Variants in RANBP3 observed in about 807,000 individuals in gnomAD.
The protein encoded by RANBP3 is ran-binding protein 3.
RANBP3 carries 14 observed loss-of-function variants against 77.3 expected under a neutral mutation model. That is an observed-to-expected ratio of 0.18 (90% confidence interval 0.12 to 0.28). The LOEUF (loss-of-function observed/expected upper bound fraction) is 0.28. Ranked by LOEUF, RANBP3 falls within the 10% of genes least tolerant of loss-of-function variation. The pLI is 1.00. For missense variants in RANBP3, 586 were observed against 752.3 expected, an observed-to-expected ratio of 0.78 and a Z score of 2.59; for synonymous variants, 315 against 312.4, an observed-to-expected ratio of 1.01 and a Z score of -0.09.
intron 5 of RANBP3, among the ~76,000 whole-genome samples, chr19:5,937,140 C>G (rs2058077587): frequency 1.4e-5 from 2 of 147,358 alleles, no homozygotes; most frequent in South Asian, 4.4e-4. Flanking sequence ...AAAGACATCA[C>G]TGGGCGCGAA....
intron 13 of RANBP3, among the ~76,000 whole-genome samples, chr19:5,922,598 CAA>C (rs750378386): frequency 3.3e-5 from 5 of 152,232 alleles, no homozygotes; most frequent in Admixed American, 6.5e-5. Flanking sequence ...CTCTGGGCGA[CAA>C]GAGAATATGT....
chr19:5,957,228 G>A (rs2058345287), intron 2 of RANBP3, among the ~76,000 whole-genome samples: 1 of 152,204 alleles, frequency 6.6e-6, no homozygotes, highest in African/African-American at 2.4e-5. Flanking sequence ...AGGGAGAGAA[G>A]CCGATGGCTT....
chr19:5,928,194 T>C, intron 8 of RANBP3, 107 bp from the exon 9 acceptor site: 1 of 1,305,428 alleles, frequency 7.7e-7, no homozygotes, highest in Non-Finnish European at 1.0e-6. Context: ...ACGTCTCCTC[T>C]GCATGTGCCT....
intron 1 of RANBP3, among the ~76,000 whole-genome samples, chr19:5,973,968 A>G (rs2058558846): frequency 6.6e-6 from 1 of 152,176 alleles, no homozygotes; most frequent in African/African-American, 2.4e-5. Context: ...TGAGGACCAA[A>G]GCCTGTGTCC....
Position 5,958,244 on chromosome 19 carries a change from G to A in RANBP3, c.23-271C>T, listed in dbSNP as rs1017172145. 6.6e-6 allele frequency among the ~76,000 whole-genome samples: 1 copy of A among 152,212 alleles called. No individual in the cohort carries two copies. Among genetic ancestry groups the A allele is most frequent in the Non-Finnish European group, 1.5e-5 (1 of 68,046 alleles). On this transcript the variant is annotated intron_variant, in intron 1 of 16. Transcript: ENST00000340578. This position sits in a 1 kb window ranked among gnomAD's most constrained non-coding sequence, Gnocchi z 4.4. The stretch of plus-strand genomic sequence containing the variant: ...TTTTCAAGACTCACTGAGAGCGGGC[G>A]TGTAAATGGGAGTGGGAGAGCAGCG...
intron 13 of RANBP3, among the ~76,000 whole-genome samples, chr19:5,922,600 A>G (rs1282267537): frequency 6.6e-6 from 1 of 152,242 alleles, no homozygotes; most frequent in East Asian, 1.9e-4. Context: ...CTGGGCGACA[A>G]GAGAATATGT....
In RANBP3 at chr19:5,932,384, C is replaced by G. The variant is rs142181764; in HGVS notation, c.565+68G>C. On this transcript the variant is annotated intron_variant, in intron 7 of 16. Coordinates refer to ENST00000340578, the MANE Select transcript of RANBP3 (RefSeq NM_007322.3). ...TCACCTCTGTCGCAACACTGCTGTC[C>G]CGGGTGCGACTTCGGGAACGCTCTA... is the stretch of plus-strand genomic sequence containing the variant. 3,220 of 1,270,824 alleles carry G rather than the reference C, an allele frequency of 2.5e-3. 10 individuals are homozygous for G. The highest frequency in any genetic ancestry group is 3.0e-3 in the Non-Finnish European group (2,599 of 877,224). The allele number at this position is 1,270,824 out of a possible 1,614,324, so 78.7% of individuals were successfully genotyped here.
At chr19:5,941,317 A>G (rs2058133609) in intron 5 of RANBP3, among the ~76,000 whole-genome samples, 1 of 152,166 alleles carries the variant, frequency 6.6e-6, no homozygotes, top group Non-Finnish European at 1.5e-5. Flanking sequence ...ATTAACAGGC[A>G]GAGGCCCCAA....
chr19:5,933,803 C>G (rs1209518714), intron 5 of RANBP3: 1 of 234,150 alleles, frequency 4.3e-6, no homozygotes, highest in African/African-American at 2.3e-5. Flanking sequence ...GGCCCTGTAC[C>G]TGGCTCTGGA....
intron 1 of RANBP3, among the ~76,000 whole-genome samples, chr19:5,964,802 T>C (rs1187178835): frequency 1.6e-5 from 2 of 123,592 alleles, no homozygotes; most frequent in Non-Finnish European, 3.2e-5. Context: ...GGGGACAGAC[T>C]GGAAAACAGG....
rs1380950866 is a variant in RANBP3 at position 5,928,097 on chromosome 19, A to C, written c.694-10T>G. The C allele has an allele frequency of 6.2e-7, 1 of 1,606,274 alleles. No individual in the cohort carries two copies. The highest frequency in any genetic ancestry group is 8.5e-7 in the Non-Finnish European group (1 of 1,177,680). On this transcript the variant is annotated splice_polypyrimidine_tract_variant and intron_variant, in intron 8 of 16. Transcript: ENST00000340578. ...TCTGGGGCTCTTTCTCCTATCAAAA[A>C]CCAAAACAAAACAGAGTAATCAAAA... is the stretch of plus-strand genomic sequence containing the variant.
At chr19:5,943,766 T>C (rs1233784043) in intron 3 of RANBP3, among the ~76,000 whole-genome samples, 1 of 152,176 alleles carries the variant, frequency 6.6e-6, no homozygotes, top group East Asian at 1.9e-4. Flanking sequence ...CCCCACGAGA[T>C]GACATCATCA....
chr19:5,920,447 G>A (rs1408066161), intron 14 of RANBP3, among the ~76,000 whole-genome samples: 1 of 152,184 alleles, frequency 6.6e-6, no homozygotes, highest in Admixed American at 6.6e-5. Flanking sequence ...ATTTCCTTAA[G>A]TGGGTGTGTG....
Position 5,917,556 on chromosome 19 carries a change from C to A in RANBP3, c.*54G>T. On this transcript the variant is annotated 3_prime_UTR_variant, in exon 17 of 17. Transcript: ENST00000340578. Reference sequence around the variant, plus strand: ...TGCCGGTGGGGTGGGGGCGGGTGGGCGGGTGGATAGACGGACAAAGCAGCA... The same window carrying A: ...TGCCGGTGGGGTGGGGGCGGGTGGGAGGGTGGATAGACGGACAAAGCAGCA... 1.4e-6 allele frequency: 2 copies of A among 1,442,796 alleles called. No individual in the cohort carries two copies. The highest frequency in any genetic ancestry group is 1.8e-6 in the Non-Finnish European group (2 of 1,093,314). The allele number at this position is 1,442,796 out of a possible 1,614,324, so 89.4% of individuals were successfully genotyped here.
intron 1 of RANBP3, among the ~76,000 whole-genome samples, chr19:5,966,724 C>A (rs1018587354): frequency 6.6e-6 from 1 of 152,192 alleles, no homozygotes; most frequent in East Asian, 1.9e-4. Flanking sequence ...AAGAGAGAAT[C>A]TGGAATATCT....
In RANBP3 at chr19:5,924,860, A is replaced by G. The variant is rs749214257; in HGVS notation, c.963T>C (p.Phe321=). 2.5e-6 allele frequency: 4 copies of G among 1,614,050 alleles called. No homozygotes were observed. The African/African-American group carries it at 4.0e-5, about 16-fold the overall frequency. ...TNSADASSNK[F]VFGQNMSERV... The stretch of plus-strand genomic sequence containing the variant: ...GCTCGCTCATGTTCTGGCCAAATAC[A>G]AATTTGTTGCTGGAGGCGTCGGCAC... Residue 321 remains phenylalanine, a synonymous_variant, in exon 11 of 17, where the codon TTT becomes TTC. Coordinates refer to ENST00000340578, the MANE Select transcript of RANBP3 (RefSeq NM_007322.3). This position sits in a 1 kb window ranked among gnomAD's most constrained non-coding sequence, Gnocchi z 4.7.
rs2058098301 is a variant in RANBP3, at chr19:5,938,824, G to T, written c.406+2797C>A. Among the ~76,000 whole-genome samples the T allele has an allele frequency of 2.0e-5, 3 of 152,230 alleles. No homozygotes were observed. The South Asian group carries it at 6.2e-4, about 31-fold the overall frequency. ...ACTTCACAGGCGTTACCTTTGGGAT[G>T]GCAGGGTGAGTGGGGAAGGGGCAGG... On this transcript the variant is annotated intron_variant, in intron 5 of 16. Coordinates refer to ENST00000340578, the MANE Select transcript of RANBP3 (RefSeq NM_007322.3).
At chr19:5,938,898 T>G (rs1599748901) in intron 5 of RANBP3, among the ~76,000 whole-genome samples, 1 of 117,388 alleles carries the variant, frequency 8.5e-6, no homozygotes, top group African/African-American at 2.6e-5. Flanking sequence ...GAAAAAACAA[T>G]TATGGGCCAG....
At chr19:5,945,530 G>A (rs901299766) in intron 3 of RANBP3, among the ~76,000 whole-genome samples, 17 of 152,138 alleles carry the variant, frequency 1.1e-4, no homozygotes, top group African/African-American at 4.1e-4. Flanking sequence ...TGTTTGGGTG[G>A]GGTGACCTAT....
Sources: allele counts gnomAD v4.1 joint callset (sites outside exome capture counted in the v4.1 genomes callset), GRCh38; gene constraint gnomAD v4.1.1; non-coding constraint Gnocchi (gnomAD v3.1); transcripts MANE v1.5; gene names NCBI Gene and HGNC (gene_info 2026-07-23, HGNC 2026-07-21).